The following SASH1 variants were observed in gnomAD, a reference collection of about 807,000 sequenced individuals.
SASH1 encodes SAM and SH3 domain-containing protein 1.
A neutral mutation model predicts 125.2 loss-of-function variants in SASH1; 44 were observed. The ratio of observed to expected loss-of-function variants is 0.35; its 90% CI spans 0.28 to 0.45. SASH1 has a LOEUF of 0.45. SASH1 is among the 20% of genes least tolerant of loss of function. The pLI, the probability that SASH1 is intolerant of heterozygous loss-of-function variation, is 1.00. For missense variants in SASH1, 1,426 were observed against 1,614.5 expected (o/e 0.88, Z 2.00); for synonymous variants, 639 against 649.1 (o/e 0.98, Z 0.24).
intron 8 of SASH1, among the ~76,000 whole-genome samples, chr6:148,497,341 C>T (rs1181637208): frequency 6.6e-6 from 1 of 152,192 alleles, no homozygotes; most frequent in Admixed American, 6.5e-5. Flanking sequence ...CCAAAGTTTT[C>T]AGGCATGTAT....
At chr6:148,259,624 A>G in the SASH1 span, among the ~76,000 whole-genome samples, 1 of 152,138 alleles carries the variant, frequency 6.6e-6, no homozygotes, top group African/African-American at 2.4e-5. Flanking sequence ...TACCTCCAGA[A>G]CCCAGCACAC....
intron 4 of SASH1, among the ~76,000 whole-genome samples, chr6:148,450,399 A>G (rs947909908): frequency 6.6e-6 from 1 of 152,076 alleles, no homozygotes; most frequent in Admixed American, 6.5e-5. Flanking sequence ...GCCCAACTGG[A>G]TATTACGATT....
intron 4 of SASH1, among the ~76,000 whole-genome samples, chr6:148,441,358 A>G (rs922043972): frequency 2.0e-5 from 3 of 152,220 alleles, no homozygotes; most frequent in African/African-American, 7.2e-5. Flanking sequence ...AGAAAGCTAT[A>G]ATTCTAAACT....
At chr6:148,441,235 G>A (rs1249895820) in intron 4 of SASH1, among the ~76,000 whole-genome samples, 3 of 152,250 alleles carry the variant, frequency 2.0e-5, no homozygotes, top group South Asian at 4.1e-4. Flanking sequence ...TTTCTGGAAT[G>A]CAAAGCACAC....
chr6:148,491,849 G>T (rs1779123814), intron 8 of SASH1, among the ~76,000 whole-genome samples: 1 of 152,194 alleles, frequency 6.6e-6, no homozygotes, highest in Non-Finnish European at 1.5e-5. Context: ...AGGCCAGCCA[G>T]CAGTGTGTCC....
At chr6:148,261,413 A>G in the SASH1 span, among the ~76,000 whole-genome samples, 1 of 151,998 alleles carries the variant, frequency 6.6e-6, no homozygotes, top group African/African-American at 2.4e-5. Flanking sequence ...GAGAAAGGAG[A>G]GGTGATCAGA....
chr6:148,263,594 C>T, the SASH1 span, among the ~76,000 whole-genome samples: 9 of 152,204 alleles, frequency 5.9e-5, no homozygotes, highest in Admixed American at 1.3e-4. Flanking sequence ...ATGACTCTAG[C>T]GGTGCCCAGA....
intron 1 of SASH1, among the ~76,000 whole-genome samples, chr6:148,273,286 TTC>T (rs1448095697): frequency 7.9e-6 from 1 of 127,082 alleles, no homozygotes; most frequent in Non-Finnish European, 1.7e-5. Context: ...TTTTAAATTT[TTC>T]TTTCTTTCTT....
intron 1 of SASH1, among the ~76,000 whole-genome samples, chr6:148,335,653 T>C (rs537903793): frequency 4.6e-5 from 7 of 152,208 alleles, no homozygotes; most frequent in African/African-American, 1.7e-4. Flanking sequence ...AAATTCCATT[T>C]GAGGAATGTG....
In SASH1 at chr6:148,441,765, C is replaced by T. The variant is rs187907767; in HGVS notation, c.386+1358C>T. Among the ~76,000 whole-genome samples, 330 of 152,270 alleles carry T rather than the reference C, an allele frequency of 2.2e-3. 1 individual carries two copies. The highest frequency in any genetic ancestry group is 7.6e-3 in the African/African-American group (316 of 41,544). On this transcript the variant is annotated intron_variant, in intron 4 of 19. Coordinates refer to ENST00000367467, the MANE Select transcript of SASH1 (RefSeq NM_015278.5). ...AAGTGACTCACCAAATTTGTACTAA[C>T]CTTAGTTAGGCTGGGTAGTACTTCT...
the SASH1 span, among the ~76,000 whole-genome samples, chr6:148,219,477 A>G: frequency 6.6e-6 from 1 of 152,142 alleles, no homozygotes; most frequent in Non-Finnish European, 1.5e-5. Flanking sequence ...ACTCAGCTGC[A>G]TGCATTATCT....
At chr6:148,276,785 C>T (rs1315374598) in intron 1 of SASH1, among the ~76,000 whole-genome samples, 1 of 152,056 alleles carries the variant, frequency 6.6e-6, no homozygotes, top group African/African-American at 2.4e-5. Context: ...CCAAGTACTT[C>T]ACATAAATAA....
intron 2 of SASH1, among the ~76,000 whole-genome samples, chr6:148,417,216 G>A (rs1354646915): frequency 1.3e-5 from 2 of 152,190 alleles, no homozygotes; most frequent in Non-Finnish European, 1.5e-5. Context: ...CAGAGACTCA[G>A]GAAGCTAAAG....
chr6:148,408,071 A>G (rs1315958978), intron 2 of SASH1, among the ~76,000 whole-genome samples: 2 of 151,738 alleles, frequency 1.3e-5, no homozygotes, highest in Admixed American at 6.6e-5. Context: ...ATCCTAATGG[A>G]CATAAAATGG....
At chr6:148,282,621 C>G (rs1779371694) in intron 1 of SASH1, among the ~76,000 whole-genome samples, 1 of 151,882 alleles carries the variant, frequency 6.6e-6, no homozygotes, top group African/African-American at 2.4e-5. Flanking sequence ...ACCTTGTGAT[C>G]CCCCCGCCTC....
At chr6:148,285,500 C>T (rs1327476827) in intron 1 of SASH1, among the ~76,000 whole-genome samples, 2 of 152,178 alleles carry the variant, frequency 1.3e-5, no homozygotes, top group Non-Finnish European at 2.9e-5. Context: ...GAACACTTTA[C>T]AGGTTTTGTC....
At chr6:148,542,380 G>C (rs1173673928) in intron 17 of SASH1, among the ~76,000 whole-genome samples, 1 of 151,792 alleles carries the variant, frequency 6.6e-6, no homozygotes, top group Non-Finnish European at 1.5e-5. Context: ...TCATTTATCT[G>C]TGATGATTTT....
At chr6:148,403,013 A>G (rs550360231) in intron 2 of SASH1, among the ~76,000 whole-genome samples, 3 of 152,296 alleles carry the variant, frequency 2.0e-5, no homozygotes, top group African/African-American at 7.2e-5. Flanking sequence ...TAGTAGAGAT[A>G]TTCATTATAA....
intron 2 of SASH1, among the ~76,000 whole-genome samples, chr6:148,425,560 G>T (rs1487690645): frequency 6.6e-6 from 1 of 152,040 alleles, no homozygotes; most frequent in Non-Finnish European, 1.5e-5. Context: ...TTATTTCAAA[G>T]ACAATTATTT....
Sources: allele counts gnomAD v4.1 joint callset (sites outside exome capture counted in the v4.1 genomes callset), GRCh38; gene constraint gnomAD v4.1.1; transcripts MANE v1.5; gene names NCBI Gene and HGNC (gene_info 2026-07-23, HGNC 2026-07-21).